Variants in CCDC7 observed in about 807,000 individuals in gnomAD.
CCDC7 encodes coiled-coil domain-containing protein 7.
In CCDC7, 183 loss-of-function variants were observed where a neutral mutation model predicts 196.9. The ratio of observed to expected loss-of-function variants is 0.93; its 90% CI spans 0.82 to 1.05. The LOEUF (loss-of-function observed/expected upper bound fraction) is 1.05. CCDC7 is among the 50% of genes least tolerant of loss of function. CCDC7 has a pLI of 0.00. For missense variants in CCDC7, 1,540 were observed against 1,482.2 expected, an observed-to-expected ratio of 1.04 and a Z score of -0.64; for synonymous variants, 525 against 484.6, an observed-to-expected ratio of 1.08 and a Z score of -1.10.
At position 32,742,910 on chromosome 10, in the gene CCDC7, A is replaced by T. The variant is rs552011133; in HGVS notation, c.2905+13453A>T. Among the ~76,000 whole-genome samples the T allele has an allele frequency of 7.2e-5, 11 of 152,328 alleles. No individual in the cohort carries two copies. In the East Asian group the frequency reaches 1.9e-3, roughly 27 times the overall value. On this transcript the variant is annotated intron_variant, in intron 28 of 41. Transcript: ENST00000639629. ...ATTAGAGTTTTGACATATAAAGTTG[A>T]GAGATAAAATTCAGATTGGCTTATT...
chr10:32,497,390 C>T lies in CCDC7; in HGVS notation c.872+5393C>T, dbSNP rs185434718. 2.5e-3 allele frequency among the ~76,000 whole-genome samples: 383 copies of T among 152,280 alleles called. 2 individuals carry two copies. Among genetic ancestry groups the T allele is most frequent in the African/African-American group, 8.8e-3 (366 of 41,562 alleles). ...GAAGGGCTTTTTGTGTCTCTATCTC[C>T]TTCAGTTCTGCTCCGATCTTAGTTA... On this transcript the variant is annotated intron_variant, in intron 9 of 41. Transcript: ENST00000639629.
chr10:32,517,837 G>A, intron 9 of CCDC7, 108 bp from the exon 11 acceptor site: 1 of 1,204,952 alleles, frequency 8.3e-7, no homozygotes, highest in Non-Finnish European at 1.1e-6. Context: ...TAAAACAGCA[G>A]CAACTAATTA....
chr10:32,722,311 T>G (rs1420959190), intron 25 of CCDC7, among the ~76,000 whole-genome samples: 3 of 152,032 alleles, frequency 2.0e-5, no homozygotes, highest in Non-Finnish European at 4.4e-5. Context: ...GCCATAACAA[T>G]GGAGGTTTTA....
chr10:32,854,552 C>G, intron 41 of CCDC7, 63 bp downstream of exon 42: 3 of 1,067,684 alleles, frequency 2.8e-6, no homozygotes, highest in East Asian at 5.1e-5. Context: ...CTCATCGTCT[C>G]TATTTACCAA....
intron 29 of CCDC7, among the ~76,000 whole-genome samples, chr10:32,785,981 C>T (rs12218995): frequency 4.5e-4 from 68 of 152,180 alleles, no homozygotes; most frequent in African/African-American, 1.3e-3. Flanking sequence ...AAACTTTCAA[C>T]TCAGCCTTAT....
chr10:32,635,843 T>G (rs2065543286), intron 20 of CCDC7, among the ~76,000 whole-genome samples: 1 of 152,324 alleles, frequency 6.6e-6, no homozygotes, highest in East Asian at 1.9e-4. Flanking sequence ...ATTTTTGTCT[T>G]TTAATTAGCT....
intron 11 of CCDC7, among the ~76,000 whole-genome samples, chr10:32,526,484 A>T (rs2048693900): frequency 6.6e-6 from 1 of 152,094 alleles, no homozygotes; most frequent in Admixed American, 6.5e-5. Flanking sequence ...AAACAGAAGG[A>T]GTCTTTCACC....
At chr10:32,731,321 T>C (rs955683795) in intron 28 of CCDC7, among the ~76,000 whole-genome samples, 2 of 152,156 alleles carry the variant, frequency 1.3e-5, no homozygotes, top group African/African-American at 4.8e-5. Flanking sequence ...ATAGTTGAAT[T>C]GTTTATCAGT....
At chr10:32,852,978 G>C (rs2093619022) in intron 40 of CCDC7, among the ~76,000 whole-genome samples, 1 of 152,104 alleles carries the variant, frequency 6.6e-6, no homozygotes, top group Non-Finnish European at 1.5e-5. Flanking sequence ...AGATAGGCTA[G>C]GACTCAAAAG....
intron 28 of CCDC7, among the ~76,000 whole-genome samples, chr10:32,733,799 A>G (rs2084387095): frequency 6.6e-6 from 1 of 152,172 alleles, no homozygotes; most frequent in African/African-American, 2.4e-5. Flanking sequence ...GCAAATTTAT[A>G]CTTTTTATCT....
At chr10:32,729,898 G>A (rs1180690493) in intron 28 of CCDC7, among the ~76,000 whole-genome samples, 1 of 151,472 alleles carries the variant, frequency 6.6e-6, no homozygotes, top group African/African-American at 2.4e-5. Context: ...TGCTTGATAC[G>A]TTTTTTTCAT....
At chr10:32,859,530 A>T (rs1218508180) in intron 41 of CCDC7, among the ~76,000 whole-genome samples, 3 of 152,114 alleles carry the variant, frequency 2.0e-5, no homozygotes, top group Non-Finnish European at 4.4e-5. Context: ...AGAGCGAACA[A>T]ATCCAAAAGC....
At chr10:32,777,478 C>G (rs374773942) in intron 28 of CCDC7, among the ~76,000 whole-genome samples, 6 of 152,174 alleles carry the variant, frequency 3.9e-5, no homozygotes, top group Non-Finnish European at 5.9e-5. Flanking sequence ...AGTGTTTAGA[C>G]TAATTTACAT....
chr10:32,478,450 A>T (rs1375585495), intron 8 of CCDC7, among the ~76,000 whole-genome samples: 4 of 152,088 alleles, frequency 2.6e-5, no homozygotes, highest in Non-Finnish European at 5.9e-5. Flanking sequence ...CTTTCTGTAG[A>T]TTTTCTTTAT....
rs987061609 is a variant in CCDC7 at position 32,828,518 on chromosome 10, A to G, written c.3268+3914A>G. ...AAGAAGAAGAAGAAGAAGAAGAAGA[A>G]GAAGAAGAAGAAGAAGAAGAAGAAG... On this transcript the variant is annotated intron_variant, in intron 32 of 41. Coordinates refer to ENST00000639629, the Ensembl canonical transcript of CCDC7. Among the ~76,000 whole-genome samples, 123 of 148,612 alleles carry G rather than the reference A, an allele frequency of 8.3e-4. 1 individual carries two copies. The Middle Eastern group carries it at 0.01, about 13-fold the overall frequency.
At chr10:32,737,358 T>C (rs2085034392) in intron 28 of CCDC7, among the ~76,000 whole-genome samples, 2 of 152,194 alleles carry the variant, frequency 1.3e-5, no homozygotes, top group African/African-American at 2.4e-5. Context: ...ATTAGGGTAA[T>C]ATAGTTTAAA....
rs2084570867 is a variant in CCDC7 at position 32,734,753 on chromosome 10, C to T, written c.2905+5296C>T. Among the ~76,000 whole-genome samples, 3 of 151,754 alleles carry T rather than the reference C, an allele frequency of 2.0e-5. No individual in the cohort carries two copies. The South Asian group carries it at 6.2e-4, about 32-fold the overall frequency. ...CCATTAAAATAGACAAAAAATTAGC[C>T]AGGTGTGGTGGCATGCACCTGTAAT... On this transcript the variant is annotated intron_variant, in intron 28 of 41. Coordinates refer to ENST00000639629, the Ensembl canonical transcript of CCDC7.
intron 9 of CCDC7, among the ~76,000 whole-genome samples, chr10:32,501,023 G>C (rs1262236596): frequency 6.6e-6 from 1 of 151,886 alleles, no homozygotes; most frequent in Admixed American, 6.6e-5. Context: ...CTCGGCATCA[G>C]AGGGAGACCA....
At chr10:32,654,299 C>A (rs2140226079) in intron 20 of CCDC7, among the ~76,000 whole-genome samples, 1 of 152,236 alleles carries the variant, frequency 6.6e-6, no homozygotes, top group Admixed American at 6.5e-5. Flanking sequence ...TCTAGTAAGT[C>A]CAACATCTTG....
Sources: gnomAD v4.1 joint callset for allele counts (sites outside exome capture counted in the v4.1 genomes callset) on GRCh38, gnomAD v4.1.1 for gene constraint, MANE v1.5 for transcripts, NCBI Gene and HGNC (gene_info 2026-07-23, HGNC 2026-07-21) for gene names.